The following COL18A1 variants were observed in gnomAD, a reference collection of about 807,000 sequenced individuals.
COL18A1 encodes collagen type XVIII alpha 1 chain, also known as collagen alpha-1(XVIII) chain.
Under a neutral mutation model 168.0 loss-of-function variants are expected in COL18A1, and 133 were observed. That is an observed-to-expected ratio of 0.79 (90% CI 0.69 to 0.91). COL18A1 has a LOEUF of 0.91. COL18A1 is among the 40% of genes least tolerant of loss of function. The pLI, the probability that COL18A1 is intolerant of heterozygous loss-of-function variation, is 0.00. For missense variants in COL18A1, 2,126 were observed against 1,925.4 expected (o/e 1.10, Z -1.95); for synonymous variants, 949 against 809.0 (o/e 1.17, Z -2.94).
intron 2 of COL18A1, among the ~76,000 whole-genome samples, chr21:45,434,654 GC>G (rs2034050962): frequency 6.6e-6 from 1 of 152,236 alleles, no homozygotes. Context: ...GAATGAATTT[GC>G]ATCTGGACGT....
chr21:45,480,063 T>G lies in COL18A1; in HGVS notation c.1312-7T>G, dbSNP rs1460071750. ...CAGGGTATGATAGGCTTGTCTTGTGTTCCCAGGGAGACCCTGGGGTTGGAG... is the reference window on the plus strand; with the variant it reads ...CAGGGTATGATAGGCTTGTCTTGTGGTCCCAGGGAGACCCTGGGGTTGGAG... On this transcript the variant is annotated splice_polypyrimidine_tract_variant and splice_region_variant and intron_variant, in intron 10 of 41. Coordinates refer to ENST00000651438, the MANE Select transcript of COL18A1 (RefSeq NM_001379500.1). 1 of 1,609,928 alleles carries G rather than the reference T, an allele frequency of 6.2e-7. No individual in the cohort carries two copies.
chr21:45,491,385 G>C (rs1602540241), intron 22 of COL18A1, 71 bp downstream of exon 22: 3 of 717,044 alleles, frequency 4.2e-6, no homozygotes, highest in Non-Finnish European at 7.3e-6. Context: ...CCCTCCCCGA[G>C]CCCCCCCCAC....
chr21:45,505,799 C>T (rs1323532063), intron 36 of COL18A1, 39 bp from the exon 37 acceptor site: 1 of 1,486,594 alleles, frequency 6.7e-7, no homozygotes, highest in Non-Finnish European at 9.2e-7. Flanking sequence ...CCCCCGCCCT[C>T]CCCGCCAAGC....
intron 38 of COL18A1, 61 bp from the exon 39 acceptor site, chr21:45,509,295 G>A: frequency 2.0e-6 from 3 of 1,533,226 alleles, no homozygotes; most frequent in Non-Finnish European, 2.6e-6. Flanking sequence ...GGAGGACACA[G>A]ATGGAGGAGG....
rs1259540539 is a variant in COL18A1, at chr21:45,468,223, G to C, written c.107-19G>C. 1.9e-6 allele frequency: 3 copies of C among 1,612,512 alleles called. No individual in the cohort carries two copies. The highest frequency in any genetic ancestry group is 2.5e-6 in the Non-Finnish European group (3 of 1,179,982). ...TCCGTCCTGCACAGCCACCTCACCA[G>C]CTGTCTTTCTTTTTGCAGAGCGCAT... On this transcript the variant is annotated intron_variant, in intron 2 of 41. Transcript: ENST00000651438.
In COL18A1 at chr21:45,491,270, CCCCCCGGA is replaced by C; in HGVS notation, c.2121_2128del (p.Pro708ThrfsTer19). On this transcript the variant is annotated frameshift_variant, in exon 22 of 42. Transcript: ENST00000651438. LOFTEE classifies it high-confidence loss of function. Reference sequence around the variant, plus strand: ...AGTCGGGCAGCCGGGCCTCCCTGGCCCCCCCGGACCCCCGGGACCTGTGGTCTACGTGT... The same window carrying C: ...AGTCGGGCAGCCGGGCCTCCCTGGCCCCCCCGGGACCTGTGGTCTACGTGT... The C allele has an allele frequency of 6.2e-7, 1 of 1,612,222 alleles. No individual in the cohort carries two copies. Among genetic ancestry groups the C allele is most frequent in the South Asian group, 1.1e-5 (1 of 91,008 alleles).
chr21:45,413,258 C>T (rs1186235952), intron 2 of COL18A1, among the ~76,000 whole-genome samples: 1 of 152,258 alleles, frequency 6.6e-6, no homozygotes, highest in East Asian at 1.9e-4. Context: ...GAGCCCCGCG[C>T]TGTGCCTGCT....
rs59669186 is a variant in COL18A1 at position 45,473,646 on chromosome 21, A to G, written c.652-249A>G. 4.4e-3 allele frequency among the ~76,000 whole-genome samples: 676 copies of G among 152,186 alleles called. 9 individuals are homozygous for G. Among genetic ancestry groups the G allele is most frequent in the African/African-American group, 0.016 (654 of 41,510 alleles). ...GCCCATCAGCTGCCTCAGATGAGCCAAGTCTGAGGGAGCAGCCTCCGCCCA... is the reference window on the plus strand; with the variant it reads ...GCCCATCAGCTGCCTCAGATGAGCCGAGTCTGAGGGAGCAGCCTCCGCCCA... On this transcript the variant is annotated intron_variant, in intron 3 of 41. Transcript: ENST00000651438. The surrounding 1 kb of genome is among the most constrained non-coding windows in gnomAD (Gnocchi z 4.0).
At chr21:45,453,197 A>G (rs556907670) in intron 2 of COL18A1, among the ~76,000 whole-genome samples, 39 of 152,250 alleles carry the variant, frequency 2.6e-4, no homozygotes, top group Admixed American at 1.3e-3. Flanking sequence ...GCATGTATTC[A>G]TGTGTGACAT....
chr21:45,412,447 G>A (rs1172904842), intron 2 of COL18A1, among the ~76,000 whole-genome samples: 2 of 151,830 alleles, frequency 1.3e-5, no homozygotes, highest in Non-Finnish European at 2.9e-5. Context: ...TTGCCATGTT[G>A]GCCAGGCTGG....
intron 2 of COL18A1, among the ~76,000 whole-genome samples, chr21:45,409,365 T>G (rs561945577): frequency 1.3e-5 from 2 of 152,154 alleles, no homozygotes; most frequent in African/African-American, 4.8e-5. Context: ...TGATGATATT[T>G]GGTACATTTT....
At position 45,486,931 on chromosome 21, in the gene COL18A1, C is replaced by T. The variant is rs1157073787; in HGVS notation, c.1772C>T (p.Ala591Val). 2.7e-6 allele frequency: 4 copies of T among 1,505,218 alleles called. No homozygotes were observed. The highest frequency in any genetic ancestry group is 2.3e-5 in the Admixed American group (1 of 43,652). The allele number at this position is 1,505,218 out of a possible 1,614,324, so 93.2% of individuals were successfully genotyped here. A position where few individuals can be genotyped will look rare whatever the true frequency, so the allele number is the denominator to read the frequency against. Residue 591 changes from alanine (A) to valine (V), a missense_variant, in exon 16 of 42, where the codon GCT (alanine) becomes GTT (valine). Ala to Val is a moderately conservative substitution (Grantham distance 64, BLOSUM62 0). Transcript: ENST00000651438. ...GGCCTGGCAGGAGCCCCCGGACCTG[C>T]TGGACCACCAGGCCCCCCTGGGCCC... Reference protein sequence around the residue: ...ESGLAGAPGPAGPPGPPGPPG... With the variant: ...ESGLAGAPGPVGPPGPPGPPG...
rs760647731 is a variant in COL18A1, at chr21:45,496,345, G to A, written c.2509-155G>A. Reference sequence around the variant, plus strand: ...GGCCAGTTCCTGTCCTCAGGGAGCCGTGGCCCGAGTGACCCACTGCATTCT... The same window carrying A: ...GGCCAGTTCCTGTCCTCAGGGAGCCATGGCCCGAGTGACCCACTGCATTCT... On this transcript the variant is annotated intron_variant, in intron 29 of 41. Coordinates refer to ENST00000651438, the MANE Select transcript of COL18A1 (RefSeq NM_001379500.1). The A allele has an allele frequency of 4.8e-5, 35 of 725,154 alleles. 1 individual carries two copies. The highest frequency in any genetic ancestry group is 3.9e-4 in the South Asian group (27 of 68,714). The allele number at this position is 725,154 out of a possible 1,614,324, so 44.9% of individuals were successfully genotyped here.
At chr21:45,438,918 C>T (rs1289183547) in intron 2 of COL18A1, among the ~76,000 whole-genome samples, 1 of 152,132 alleles carries the variant, frequency 6.6e-6, no homozygotes, top group Non-Finnish European at 1.5e-5. Flanking sequence ...GGTCTGGGGG[C>T]CGGTGGGGGC....
intron 33 of COL18A1, 177 bp downstream of exon 33, chr21:45,504,231 GT>G: frequency 1.1e-6 from 1 of 911,304 alleles, no homozygotes; most frequent in Non-Finnish European, 1.7e-6. Flanking sequence ...CCCCGGCTCA[GT>G]TTTTGGGGGA....
chr21:45,484,209 GCA>G (rs1368287398), intron 15 of COL18A1, among the ~76,000 whole-genome samples: 4 of 94,784 alleles, frequency 4.2e-5, no homozygotes, highest in African/African-American at 8.6e-5. Flanking sequence ...ACACACATAG[GCA>G]CACACATCTC....
chr21:45,416,986 G>T (rs2033468174), intron 2 of COL18A1, among the ~76,000 whole-genome samples: 1 of 152,230 alleles, frequency 6.6e-6, no homozygotes, highest in Non-Finnish European at 1.5e-5. Context: ...TTTGGAAGCA[G>T]CTAATTTGAT....
At chr21:45,496,935 C>T in intron 30 of COL18A1, 115 bp from the exon 31 acceptor site, 1 of 747,466 alleles carries the variant, frequency 1.3e-6, no homozygotes, top group East Asian at 2.5e-5. Flanking sequence ...CTGGGGGAGG[C>T]TGCTATGTGG....
chr21:45,424,746 C>CGGAG, intron 2 of COL18A1: 1 of 152,418 alleles, frequency 6.6e-6, no homozygotes, highest in Middle Eastern at 3.4e-3. Flanking sequence ...GCCCTTGGCC[C>CGGAG]CCACTGACCC....
Sources: allele counts gnomAD v4.1 joint callset (sites outside exome capture counted in the v4.1 genomes callset), GRCh38; gene constraint gnomAD v4.1.1; non-coding constraint Gnocchi (gnomAD v3.1); transcripts MANE v1.5; gene names NCBI Gene and HGNC (gene_info 2026-07-23, HGNC 2026-07-21).